AGAP1: variants seen among roughly 807,000 people sequenced by gnomAD.
The protein encoded by AGAP1 is ArfGAP with GTPase domain, ankyrin repeat and PH domain 1.
Under a neutral mutation model 105.3 loss-of-function variants are expected in AGAP1, and 29 were observed. The observed-to-expected ratio is 0.28, with a 90% CI of 0.21 to 0.38. The LOEUF (loss-of-function observed/expected upper bound fraction) is 0.38, where lower values mean the gene tolerates loss of function less well. AGAP1 is among the 10% of genes least tolerant of loss of function. The pLI is 1.00. For synonymous variants in AGAP1, 509 were observed against 485.9 expected, an observed-to-expected ratio of 1.05 and a Z score of -0.63; for missense variants, 998 against 1,165.1, an observed-to-expected ratio of 0.86 and a Z score of 2.09.
At position 235,733,141 on chromosome 2, in the gene AGAP1, C is replaced by G. The variant is rs962439375; in HGVS notation, c.311-7822C>G. Among the ~76,000 whole-genome samples the G allele has an allele frequency of 3.9e-5, 6 of 152,184 alleles. No homozygotes were observed. The highest frequency in any genetic ancestry group is 1.4e-4 in the African/African-American group (6 of 41,450). ...CTCTTCCAGGTTCCCTTCACCCATC[C>G]TGCGGGGTGGGAGGAATATATCATT... is the stretch of plus-strand genomic sequence containing the variant. On this transcript the variant is annotated intron_variant, in intron 3 of 17. Coordinates refer to ENST00000304032, the MANE Select transcript of AGAP1 (RefSeq NM_001037131.3). The surrounding 1 kb of genome is among the most constrained non-coding windows in gnomAD (Gnocchi z 5.0).
At chr2:235,708,182 G>C (rs1194075864) in intron 1 of AGAP1, among the ~76,000 whole-genome samples, 3 of 152,220 alleles carry the variant, frequency 2.0e-5, no homozygotes, top group African/African-American at 7.2e-5. Context: ...AATGTAGAGT[G>C]AGTAAGTTTC....
rs1015740626 is a variant in AGAP1 at position 235,875,727 on chromosome 2, G to A, written c.1051-7618G>A. Among the ~76,000 whole-genome samples, 6 of 152,098 alleles carry A rather than the reference G, an allele frequency of 3.9e-5. No homozygotes were observed. Among genetic ancestry groups the A allele is most frequent in the Admixed American group, 3.3e-4 (5 of 15,284 alleles). On this transcript the variant is annotated intron_variant, in intron 9 of 17. Transcript: ENST00000304032. This position sits in a 1 kb window ranked among gnomAD's most constrained non-coding sequence, Gnocchi z 4.0. Reference sequence around the variant, plus strand: ...CACATGGAGCCACTTGGAGACTTGTGTGTTAGTTGTGCACAGATACCTACA... The same window carrying A: ...CACATGGAGCCACTTGGAGACTTGTATGTTAGTTGTGCACAGATACCTACA...
intron 6 of AGAP1, among the ~76,000 whole-genome samples, chr2:235,778,010 A>G (rs1214150188): frequency 6.6e-6 from 1 of 151,938 alleles, no homozygotes; most frequent in African/African-American, 2.4e-5. Context: ...GCGATCTCAT[A>G]TCTGTGTGTT....
chr2:235,500,425 G>T (rs546336807), intron 1 of AGAP1, among the ~76,000 whole-genome samples: 1 of 152,332 alleles, frequency 6.6e-6, no homozygotes, highest in Non-Finnish European at 1.5e-5. Flanking sequence ...TCCTGAGGAT[G>T]CGGATGCCCT....
At position 236,127,764 on chromosome 2, in the gene AGAP1, AAGAC is replaced by A. The variant is rs1000910818; in HGVS notation, c.*3647_*3650del. 1.3e-5 allele frequency: 2 copies of A among 152,336 alleles called. No individual in the cohort carries two copies. Among genetic ancestry groups the A allele is most frequent in the Non-Finnish European group, 2.9e-5 (2 of 68,032 alleles). The allele number at this position is 152,336 out of a possible 1,614,324, so 9.4% of individuals were successfully genotyped here. A position where few individuals can be genotyped will look rare whatever the true frequency, so the allele number is the denominator to read the frequency against. ...TAGGGAGAAACATGGTCTAATGAGA[AAGAC>A]AGACCCCTAGGCTCAGCTGGCCCTG... is the stretch of plus-strand genomic sequence containing the variant. On this transcript the variant is annotated 3_prime_UTR_variant, in exon 18 of 18. Transcript: ENST00000304032. The surrounding 1 kb of genome is among the most constrained non-coding windows in gnomAD (Gnocchi z 6.6).
In AGAP1 at chr2:235,887,590, C is replaced by A. The variant is rs920258255; in HGVS notation, c.1155+4141C>A. 2.6e-5 allele frequency among the ~76,000 whole-genome samples: 4 copies of A among 152,342 alleles called. No individual in the cohort carries two copies. Among genetic ancestry groups the A allele is most frequent in the African/African-American group, 9.6e-5 (4 of 41,578 alleles). ...GGCAGATGGGGCCCAGGTTCCAACACAAGAGCCCCCGGAGCAGGGGCCTGC... is the reference window on the plus strand; with the variant it reads ...GGCAGATGGGGCCCAGGTTCCAACAAAAGAGCCCCCGGAGCAGGGGCCTGC... On this transcript the variant is annotated intron_variant, in intron 10 of 17. Transcript: ENST00000304032. This position sits in a 1 kb window ranked among gnomAD's most constrained non-coding sequence, Gnocchi z 4.1.
At chr2:235,941,374 A>G (rs1463551779) in intron 12 of AGAP1, among the ~76,000 whole-genome samples, 2 of 152,212 alleles carry the variant, frequency 1.3e-5, no homozygotes, top group Non-Finnish European at 2.9e-5. Context: ...TTTATTGACC[A>G]CTTACTGTGG....
In AGAP1 at chr2:235,611,837, A is replaced by G. The variant is rs1574961763; in HGVS notation, c.164-97342A>G. On this transcript the variant is annotated intron_variant, in intron 1 of 17. Transcript: ENST00000304032. The surrounding 1 kb of genome is among the most constrained non-coding windows in gnomAD (Gnocchi z 5.0). ...ATAAATTAGATTTACATAGGAGACA[A>G]AGAAATCCTTCCCTCCCTGTTCCAG... Among the ~76,000 whole-genome samples, 1 of 152,206 alleles carries G rather than the reference A, an allele frequency of 6.6e-6. No homozygotes were observed. The highest frequency in any genetic ancestry group is 1.9e-4 in the East Asian group (1 of 5,194).
In AGAP1 at chr2:235,611,656, G is replaced by A. The variant is rs776245053; in HGVS notation, c.164-97523G>A. Among the ~76,000 whole-genome samples, 52 of 152,152 alleles carry A rather than the reference G, an allele frequency of 3.4e-4. No individual in the cohort carries two copies. Among genetic ancestry groups the A allele is most frequent in the Non-Finnish European group, 1.9e-4 (13 of 68,024 alleles). On this transcript the variant is annotated intron_variant, in intron 1 of 17. Coordinates refer to ENST00000304032, the MANE Select transcript of AGAP1 (RefSeq NM_001037131.3). The surrounding 1 kb of genome is among the most constrained non-coding windows in gnomAD (Gnocchi z 5.0). ...GAGGCTTGGATCTTTAGATTGATAA[G>A]CAGGATAGTAAACCAGTTGTGAGGA...
Position 235,970,355 on chromosome 2 carries a change from G to A in AGAP1, c.1645+1732G>A, listed in dbSNP as rs6757953. ...CTTCCCACTGAAAACAGTATCAGCC[G>A]CAGGCGCTCTGTGTTGGTAAGACTC... is the stretch of plus-strand genomic sequence containing the variant. On this transcript the variant is annotated intron_variant, in intron 13 of 17. Coordinates refer to ENST00000304032, the MANE Select transcript of AGAP1 (RefSeq NM_001037131.3). This position sits in a 1 kb window ranked among gnomAD's most constrained non-coding sequence, Gnocchi z 5.4. Among the ~76,000 whole-genome samples the A allele has an allele frequency of 2.0e-5, 3 of 152,214 alleles. No homozygotes were observed. The highest frequency in any genetic ancestry group is 2.1e-4 in the South Asian group (1 of 4,812).
At chr2:235,854,319 C>G (rs2048596055) in intron 9 of AGAP1, among the ~76,000 whole-genome samples, 1 of 152,234 alleles carries the variant, frequency 6.6e-6, no homozygotes, top group Non-Finnish European at 1.5e-5. Context: ...CCGCATCCAA[C>G]TGAACGTGGG....
intron 1 of AGAP1, among the ~76,000 whole-genome samples, chr2:235,563,940 T>G (rs1420247969): frequency 6.6e-6 from 1 of 151,972 alleles, no homozygotes; most frequent in Non-Finnish European, 1.5e-5. Context: ...AGTGGGAAGC[T>G]GGGTGGGGGG....
At chr2:235,826,722 G>A (rs1959091924) in intron 9 of AGAP1, among the ~76,000 whole-genome samples, 1 of 152,178 alleles carries the variant, frequency 6.6e-6, no homozygotes, top group East Asian at 1.9e-4. Context: ...ACAGGTGTGA[G>A]CCACTGCACA....
At chr2:235,531,287 G>T (rs1226441416) in intron 1 of AGAP1, among the ~76,000 whole-genome samples, 1 of 152,100 alleles carries the variant, frequency 6.6e-6, no homozygotes, top group African/African-American at 2.4e-5. Flanking sequence ...TCACACTGCT[G>T]GTTATGTGCA....
chr2:235,833,877 AG>A (rs1323366685), intron 9 of AGAP1, among the ~76,000 whole-genome samples: 22 of 146,342 alleles, frequency 1.5e-4, no homozygotes, highest in South Asian at 4.3e-4. Context: ...TTTTTTTTAA[AG>A]CTCTGGTTGC....
intron 1 of AGAP1, among the ~76,000 whole-genome samples, chr2:235,679,109 T>C (rs1222419077): frequency 6.6e-6 from 1 of 152,198 alleles, no homozygotes; most frequent in Non-Finnish European, 1.5e-5. Context: ...AATTGCCACA[T>C]GGAGAAAGCA....
At chr2:235,521,701 G>A (rs1021372998) in intron 1 of AGAP1, among the ~76,000 whole-genome samples, 2 of 150,654 alleles carry the variant, frequency 1.3e-5, no homozygotes, top group East Asian at 2.0e-4. Context: ...ATTAATAGAC[G>A]TTGGGATCGA....
In AGAP1 at chr2:235,517,457, C is replaced by T. The variant is rs1329366120; in HGVS notation, c.163+22608C>T. Among the ~76,000 whole-genome samples the T allele has an allele frequency of 2.0e-5, 3 of 152,076 alleles. No individual in the cohort carries two copies. Among genetic ancestry groups the T allele is most frequent in the Non-Finnish European group, 2.9e-5 (2 of 68,026 alleles). ...GCTTTGACGACATAGCTGTGCCCAACGTAGATCTTTATGGTAATTTTATTT... is the reference window on the plus strand; with the variant it reads ...GCTTTGACGACATAGCTGTGCCCAATGTAGATCTTTATGGTAATTTTATTT... On this transcript the variant is annotated intron_variant, in intron 1 of 17. Coordinates refer to ENST00000304032, the MANE Select transcript of AGAP1 (RefSeq NM_001037131.3). The surrounding 1 kb of genome is among the most constrained non-coding windows in gnomAD (Gnocchi z 4.1).
rs915738257 is a variant in AGAP1, at chr2:236,003,786, CT to C, written c.1646-32763del. ...TGGAGGGGTCACTGCTGTCCTACCA[CT>C]TTTTTTTTTTTCTGGAAGTTTGCAT... On this transcript the variant is annotated intron_variant, in intron 13 of 17. Transcript: ENST00000304032. The surrounding 1 kb of genome is among the most constrained non-coding windows in gnomAD (Gnocchi z 4.2). 4.3e-3 allele frequency among the ~76,000 whole-genome samples: 624 copies of C among 146,804 alleles called. 5 individuals are homozygous for C. Among genetic ancestry groups the C allele is most frequent in the African/African-American group, 0.012 (479 of 40,440 alleles).
Sources: allele counts gnomAD v4.1 joint callset (sites outside exome capture counted in the v4.1 genomes callset), GRCh38; gene constraint gnomAD v4.1.1; non-coding constraint Gnocchi (gnomAD v3.1); transcripts MANE v1.5; gene names NCBI Gene and HGNC (gene_info 2026-07-23, HGNC 2026-07-21).